The following CDH13 variants were observed in gnomAD, a reference collection of about 807,000 sequenced individuals.
CDH13 encodes cadherin 13.
A neutral mutation model predicts 63.8 loss-of-function variants in CDH13; 24 were observed. The ratio of observed to expected loss-of-function variants is 0.38; its 90% CI spans 0.27 to 0.53. The LOEUF (loss-of-function observed/expected upper bound fraction) is 0.53. Ranked by LOEUF, CDH13 falls within the 20% of genes least tolerant of loss-of-function variation. The probability of loss-of-function intolerance (pLI) is 0.85; values close to 1 mark genes in which losing one functional copy is unlikely to be tolerated. For missense variants in CDH13, 1,049 were observed against 903.1 expected (o/e 1.16, Z -2.07); for synonymous variants, 503 against 355.3 (o/e 1.42, Z -4.67).
intron 8 of CDH13, among the ~76,000 whole-genome samples, chr16:83,614,443 C>G (rs1372523301): frequency 6.6e-6 from 1 of 152,210 alleles, no homozygotes; most frequent in Non-Finnish European, 1.5e-5. Context: ...GCCTCTTAGA[C>G]AGCACCTTCT....
At chr16:82,782,061 T>A (rs2035779696) in intron 1 of CDH13, among the ~76,000 whole-genome samples, 1 of 152,216 alleles carries the variant, frequency 6.6e-6, no homozygotes, top group Non-Finnish European at 1.5e-5. Flanking sequence ...AGCTGATGAA[T>A]ATTCAGACTT....
rs958626131 is a variant in CDH13 at position 83,547,599 on chromosome 16, A to C, written c.961-54855A>C. The stretch of plus-strand genomic sequence containing the variant: ...TAGTTTGCTAAGGATAATGGCCTCC[A>C]GCTCCATCCATGTTCCTGCAAAGGA... On this transcript the variant is annotated intron_variant, in intron 7 of 13. Coordinates refer to ENST00000567109, the MANE Select transcript of CDH13 (RefSeq NM_001257.5). Among the ~76,000 whole-genome samples, 5 of 152,182 alleles carry C rather than the reference A, an allele frequency of 3.3e-5. No individual in the cohort carries two copies. The East Asian group carries it at 7.7e-4, about 23-fold the overall frequency.
intron 1 of CDH13, among the ~76,000 whole-genome samples, chr16:82,817,170 G>GC (rs148692992): frequency 6.6e-6 from 1 of 151,514 alleles, no homozygotes; most frequent in Admixed American, 6.6e-5. Flanking sequence ...ATCACTCTTC[G>GC]CCCCCCACTG....
chr16:83,204,200 G>A (rs1233494321), intron 4 of CDH13, among the ~76,000 whole-genome samples: 1 of 152,164 alleles, frequency 6.6e-6, no homozygotes, highest in African/African-American at 2.4e-5. Flanking sequence ...CCCAACTCAG[G>A]ACACGCTTAT....
chr16:83,259,498 T>C (rs1464648316), intron 5 of CDH13, among the ~76,000 whole-genome samples: 1 of 152,044 alleles, frequency 6.6e-6, no homozygotes, highest in Non-Finnish European at 1.5e-5. Context: ...CGTTTTTAAG[T>C]GTTGGTTTGG....
intron 1 of CDH13, among the ~76,000 whole-genome samples, chr16:82,796,711 T>A (rs1330269062): frequency 6.6e-6 from 1 of 152,252 alleles, no homozygotes; most frequent in Non-Finnish European, 1.5e-5. Flanking sequence ...CAAGATGGAT[T>A]CTTGGAGCTT....
intron 9 of CDH13, among the ~76,000 whole-genome samples, chr16:83,677,905 G>C (rs1242828779): frequency 6.6e-6 from 1 of 152,030 alleles, no homozygotes; most frequent in East Asian, 1.9e-4. Flanking sequence ...TCACTGCCCA[G>C]ATCACTAAGG....
chr16:83,572,828 T>C (rs1904768020), intron 7 of CDH13, among the ~76,000 whole-genome samples: 1 of 152,248 alleles, frequency 6.6e-6, no homozygotes, highest in Non-Finnish European at 1.5e-5. Flanking sequence ...TGGTTTGTTT[T>C]AAGGATTTGA....
intron 3 of CDH13, among the ~76,000 whole-genome samples, chr16:83,088,748 GA>G (rs2033740544): frequency 6.6e-6 from 1 of 152,150 alleles, no homozygotes; most frequent in Admixed American, 6.5e-5. Context: ...TTGTAGAGTA[GA>G]AAATGCTTCA....
At chr16:83,373,267 C>T (rs2091404783) in intron 6 of CDH13, among the ~76,000 whole-genome samples, 1 of 152,226 alleles carries the variant, frequency 6.6e-6, no homozygotes, top group African/African-American at 2.4e-5. Flanking sequence ...AGGGGAATTG[C>T]AAAGGATAGG....
intron 1 of CDH13, among the ~76,000 whole-genome samples, chr16:82,647,805 G>C (rs1178862428): frequency 1.3e-5 from 2 of 152,212 alleles, no homozygotes; most frequent in Non-Finnish European, 1.5e-5. Flanking sequence ...TGAGCTGTCT[G>C]TCAGTGTCTA....
intron 1 of CDH13, among the ~76,000 whole-genome samples, chr16:82,653,284 C>A (rs1381661997): frequency 6.6e-6 from 1 of 152,104 alleles, no homozygotes; most frequent in Non-Finnish European, 1.5e-5. Context: ...AAACATTGAG[C>A]TGAATACTTG....
At chr16:83,774,079 A>G (rs769570282) in intron 11 of CDH13, among the ~76,000 whole-genome samples, 4 of 152,020 alleles carry the variant, frequency 2.6e-5, no homozygotes, top group Non-Finnish European at 5.9e-5. Context: ...AAAAAGATCT[A>G]CTCAACTCTA....
At chr16:82,686,453 G>T (rs1915079405) in intron 1 of CDH13, among the ~76,000 whole-genome samples, 3 of 152,178 alleles carry the variant, frequency 2.0e-5, no homozygotes, top group Admixed American at 2.0e-4. Context: ...AACGGAGATT[G>T]TATGGGAGAG....
At chr16:83,310,974 C>T (rs1247833836) in intron 5 of CDH13, among the ~76,000 whole-genome samples, 1 of 152,224 alleles carries the variant, frequency 6.6e-6, no homozygotes, top group Non-Finnish European at 1.5e-5. Context: ...ACACAACACA[C>T]ACAAAGTACT....
Position 82,921,480 on chromosome 16 carries a change from C to A in CDH13, c.157+63007C>A, listed in dbSNP as rs2042152367. On this transcript the variant is annotated intron_variant, in intron 2 of 13. Transcript: ENST00000567109. The stretch of plus-strand genomic sequence containing the variant: ...GAAAACAGTGCTGGCATTTAGGGAC[C>A]ACCTGAATAACCTAGGATCATCTCC... Among the ~76,000 whole-genome samples, 3 of 152,122 alleles carry A rather than the reference C, an allele frequency of 2.0e-5. 1 individual carries two copies. The South Asian group carries it at 6.2e-4, about 32-fold the overall frequency.
chr16:83,027,749 A>G (rs1033172672), intron 2 of CDH13, among the ~76,000 whole-genome samples: 3 of 152,106 alleles, frequency 2.0e-5, no homozygotes, highest in African/African-American at 4.8e-5. Context: ...TCTCCATTCT[A>G]ACTTCCTTCA....
intron 6 of CDH13, among the ~76,000 whole-genome samples, chr16:83,422,710 G>T (rs1205057645): frequency 1.3e-5 from 2 of 152,128 alleles, no homozygotes; most frequent in South Asian, 4.1e-4. Flanking sequence ...CTAAGCTCAT[G>T]TGGCCATTTG....
At chr16:83,253,303 C>T (rs1905811443) in intron 5 of CDH13, among the ~76,000 whole-genome samples, 1 of 152,182 alleles carries the variant, frequency 6.6e-6, no homozygotes, top group African/African-American at 2.4e-5. Context: ...GGGTACCTGA[C>T]ATTAGTCGCA....
Sources: gnomAD v4.1 joint callset for allele counts (sites outside exome capture counted in the v4.1 genomes callset) on GRCh38, gnomAD v4.1.1 for gene constraint, MANE v1.5 for transcripts, NCBI Gene and HGNC (gene_info 2026-07-23, HGNC 2026-07-21) for gene names.